Variants in HDAC9 observed in about 807,000 individuals in gnomAD.
The protein encoded by HDAC9 is MEF-2 interacting transcription repressor (MITR) protein.
Under a neutral mutation model 139.4 loss-of-function variants are expected in HDAC9, and 41 were observed. The observed-to-expected ratio is 0.29, with a 90% CI of 0.23 to 0.38. The LOEUF is 0.38. HDAC9 is among the 10% of genes least tolerant of loss of function. The probability of loss-of-function intolerance (pLI) is 1.00; values close to 1 mark genes in which losing one functional copy is unlikely to be tolerated. For missense variants in HDAC9, 1,147 were observed against 1,297.0 expected, an observed-to-expected ratio of 0.88 and a Z score of 1.78; for synonymous variants, 517 against 476.2, an observed-to-expected ratio of 1.09 and a Z score of -1.12.
intron 23 of HDAC9, chr7:18,949,160 GT>G (rs1782611340): frequency 7.6e-6 from 2 of 261,816 alleles, no homozygotes; most frequent in Non-Finnish European, 7.5e-6. Context: ...TTTCAGTCTG[GT>G]TTGATTTTTG....
intron 12 of HDAC9, among the ~76,000 whole-genome samples, chr7:18,682,168 A>T (rs1452843411): frequency 6.6e-6 from 1 of 152,058 alleles, no homozygotes; most frequent in African/African-American, 2.4e-5. Flanking sequence ...CCACATGCAA[A>T]GTATAAATCT....
intron 1 of HDAC9, among the ~76,000 whole-genome samples, chr7:18,312,421 C>T (rs923376704): frequency 6.6e-6 from 1 of 151,960 alleles, no homozygotes; most frequent in Non-Finnish European, 1.5e-5. Flanking sequence ...GAATTTATTC[C>T]TCTTATTTTA....
chr7:18,606,002 A>T (rs1426596798), intron 6 of HDAC9, among the ~76,000 whole-genome samples: 2 of 152,100 alleles, frequency 1.3e-5, no homozygotes. Context: ...TTTAACTCTC[A>T]AGCTGGTTCA....
chr7:18,185,503 G>C (rs1789837302), intron 2 of HDAC9, among the ~76,000 whole-genome samples: 2 of 152,226 alleles, frequency 1.3e-5, no homozygotes, highest in South Asian at 4.1e-4. Flanking sequence ...AGGAAATATT[G>C]TCTATTAAGT....
intron 1 of HDAC9, among the ~76,000 whole-genome samples, chr7:18,359,734 G>A (rs986050975): frequency 2.6e-5 from 4 of 152,018 alleles, no homozygotes; most frequent in Admixed American, 6.5e-5. Context: ...TCAGCCTCCC[G>A]AGTAGCTGGG....
chr7:18,847,490 A>T (rs1212663871), intron 21 of HDAC9, among the ~76,000 whole-genome samples: 1 of 152,172 alleles, frequency 6.6e-6, no homozygotes, highest in Non-Finnish European at 1.5e-5. Context: ...AATAAGGAGG[A>T]TTATTATTAA....
At chr7:18,363,238 T>C (rs1314952556) in intron 1 of HDAC9, among the ~76,000 whole-genome samples, 1 of 152,146 alleles carries the variant, frequency 6.6e-6, no homozygotes, top group Non-Finnish European at 1.5e-5. Flanking sequence ...ATAATTTCCC[T>C]CCTTACTTTT....
intron 2 of HDAC9, among the ~76,000 whole-genome samples, chr7:18,239,377 C>T (rs1794039157): frequency 6.6e-6 from 1 of 152,086 alleles, no homozygotes; most frequent in Non-Finnish European, 1.5e-5. Context: ...AAGGAAGAGC[C>T]CCTGCAACCA....
intron 16 of HDAC9, among the ~76,000 whole-genome samples, chr7:18,772,951 T>C (rs906963133): frequency 3.9e-5 from 6 of 152,124 alleles, no homozygotes; most frequent in African/African-American, 1.4e-4. Context: ...GTATACTCAA[T>C]AATAGTTGTT....
At chr7:18,873,854 C>T (rs894274153) in intron 21 of HDAC9, among the ~76,000 whole-genome samples, 3 of 152,102 alleles carry the variant, frequency 2.0e-5, no homozygotes, top group Non-Finnish European at 2.9e-5. Context: ...CTGGGGCCAG[C>T]AGGGGTTGCT....
At chr7:18,813,536 TTATC>T (rs2129192737) in intron 17 of HDAC9, among the ~76,000 whole-genome samples, 2 of 152,274 alleles carry the variant, frequency 1.3e-5, no homozygotes, top group South Asian at 4.1e-4. Flanking sequence ...ATTTATTTAT[TTATC>T]TATTTATTTC....
rs1348918231 is a variant in HDAC9 at position 18,740,741 on chromosome 7, A to T, written c.1910-8264A>T. On this transcript the variant is annotated intron_variant, in intron 13 of 25. Transcript: ENST00000686413. ...AGTGAGGAAGTCATGTCAAAAGCTG[A>T]GATAGGCAAAAGCTGGGCCTCTTGT... Among the ~76,000 whole-genome samples, 5 of 152,382 alleles carry T rather than the reference A, an allele frequency of 3.3e-5. No individual in the cohort carries two copies. In the East Asian group the frequency reaches 9.6e-4, roughly 29 times the overall value.
chr7:18,141,509 G>A (rs1478013217), intron 1 of HDAC9, among the ~76,000 whole-genome samples: 1 of 152,052 alleles, frequency 6.6e-6, no homozygotes, highest in Non-Finnish European at 1.5e-5. Context: ...ATCTAGGTGA[G>A]GACTAACATC....
intron 2 of HDAC9, among the ~76,000 whole-genome samples, chr7:18,554,398 C>T (rs1406734939): frequency 7.3e-6 from 1 of 137,286 alleles, no homozygotes; most frequent in African/African-American, 2.8e-5. Flanking sequence ...TGCAGTGGCG[C>T]GATCTCGGCT....
rs78972628 is a variant in HDAC9 at position 18,523,492 on chromosome 7, C to A, written c.22+27168C>A. On this transcript the variant is annotated intron_variant, in intron 2 of 25. Coordinates refer to ENST00000686413, the MANE Select transcript of HDAC9 (RefSeq NM_178425.4). ...ACTGGGTAGATGTGTTGCCATTATT[C>A]ATTCATTAATTATTTTTTGAGTGTC... is the stretch of plus-strand genomic sequence containing the variant. Among the ~76,000 whole-genome samples the A allele has an allele frequency of 9.4e-3, 1,434 of 152,260 alleles. 13 individuals are homozygous for A. Among genetic ancestry groups the A allele is most frequent in the Non-Finnish European group, 0.013 (917 of 68,008 alleles).
At chr7:18,448,626 C>A (rs1047888544) in intron 1 of HDAC9, among the ~76,000 whole-genome samples, 2 of 151,878 alleles carry the variant, frequency 1.3e-5, no homozygotes, top group African/African-American at 2.4e-5. Flanking sequence ...GAAAATGGAC[C>A]CATTCCATCA....
chr7:18,642,969 T>C (rs1786178690), intron 8 of HDAC9, among the ~76,000 whole-genome samples: 1 of 152,146 alleles, frequency 6.6e-6, no homozygotes, highest in Non-Finnish European at 1.5e-5. Context: ...ATGAATATTA[T>C]GCCCTATTTA....
chr7:18,349,307 TACACACACACACACACAC>T lies in HDAC9; in HGVS notation c.-42+58830_-42+58847del, dbSNP rs3138825. On this transcript the variant is annotated intron_variant, in intron 1 of 3. Coordinates refer to the HDAC9 transcript ENST00000413509. ...ATGACCTCCCATACTTGAGAACATC[TACACACACACACACACAC>T]ACACACACACACACACACACACACA... Among the ~76,000 whole-genome samples the T allele has an allele frequency of 3.1e-3, 385 of 125,814 alleles. 4 individuals carry two copies. The highest frequency in any genetic ancestry group is 0.012 in the Middle Eastern group (3 of 250). The allele number at this position is 125,814 out of a possible 152,430, so 82.5% of individuals were successfully genotyped here.
intron 1 of HDAC9, among the ~76,000 whole-genome samples, chr7:18,106,635 G>C (rs1783225126): frequency 6.6e-6 from 1 of 151,994 alleles, no homozygotes; most frequent in Admixed American, 6.6e-5. Context: ...TATATTTTTG[G>C]TAAAGATGGG....
Sources: gnomAD v4.1 joint callset for allele counts (sites outside exome capture counted in the v4.1 genomes callset) on GRCh38, gnomAD v4.1.1 for gene constraint, MANE v1.5 for transcripts, NCBI Gene and HGNC (gene_info 2026-07-23, HGNC 2026-07-21) for gene names.